The following FHIT variants were observed in gnomAD, a reference collection of about 807,000 sequenced individuals.
FHIT encodes the protein bis(5'-adenosyl)-triphosphatase.
In FHIT, 19 loss-of-function variants were observed where a neutral mutation model predicts 17.9. The observed-to-expected ratio is 1.06, with a 90% CI of 0.74 to 1.56. The LOEUF (loss-of-function observed/expected upper bound fraction) is 1.56, where lower values mean the gene tolerates loss of function less well. Ranked by LOEUF, FHIT falls within the 40% of genes most tolerant of loss-of-function variation. FHIT has a pLI of 0.00. For missense variants in FHIT, 248 were observed against 189.2 expected, an observed-to-expected ratio of 1.31 and a Z score of -1.82; for synonymous variants, 81 against 69.7, an observed-to-expected ratio of 1.16 and a Z score of -0.81.
chr3:60,876,763 C>G (rs556791458), intron 3 of FHIT, among the ~76,000 whole-genome samples: 2 of 152,284 alleles, frequency 1.3e-5, no homozygotes, highest in South Asian at 2.1e-4. Context: ...AGCACTCATC[C>G]CTTCCACAGT....
intron 3 of FHIT, among the ~76,000 whole-genome samples, chr3:61,022,827 T>C (rs1213139828): frequency 6.6e-6 from 1 of 152,118 alleles, no homozygotes; most frequent in Non-Finnish European, 1.5e-5. Flanking sequence ...ATAAACTAGG[T>C]ATTGATGGAA....
At chr3:60,050,313 A>C (rs1256326202) in intron 5 of FHIT, among the ~76,000 whole-genome samples, 2 of 152,104 alleles carry the variant, frequency 1.3e-5, no homozygotes, top group Non-Finnish European at 2.9e-5. Flanking sequence ...CTTAAATTTT[A>C]CCTTTATTAT....
chr3:60,152,209 G>GT lies in FHIT; in HGVS notation c.104-138058dup, dbSNP rs369844121. On this transcript the variant is annotated intron_variant, in intron 5 of 9. Coordinates refer to ENST00000492590, the MANE Select transcript of FHIT (RefSeq NM_002012.4). The stretch of plus-strand genomic sequence containing the variant: ...GGCAAGCATATTTACATATTTAAAA[G>GT]TTTGCCTGCAAGGTAATCTTACCTT... 3.8e-3 allele frequency among the ~76,000 whole-genome samples: 577 copies of GT among 152,244 alleles called. 5 individuals are homozygous for GT. Among genetic ancestry groups the GT allele is most frequent in the African/African-American group, 0.013 (540 of 41,560 alleles).
At chr3:59,765,042 A>G (rs578056338) in intron 8 of FHIT, among the ~76,000 whole-genome samples, 2 of 152,306 alleles carry the variant, frequency 1.3e-5, no homozygotes, top group South Asian at 4.1e-4. Context: ...CCTTCCAATT[A>G]TTTATGGCTG....
At chr3:60,242,457 C>T (rs774646383) in intron 5 of FHIT, among the ~76,000 whole-genome samples, 30 of 151,938 alleles carry the variant, frequency 2.0e-4, no homozygotes, top group Non-Finnish European at 4.3e-4. Context: ...GTTCTATATT[C>T]GTGTGTATGT....
chr3:59,852,932 G>C (rs1436105170), intron 8 of FHIT, among the ~76,000 whole-genome samples: 2 of 152,178 alleles, frequency 1.3e-5, no homozygotes, highest in Non-Finnish European at 2.9e-5. Context: ...ACCCACTGAA[G>C]AATTTCTTGG....
At chr3:60,347,349 A>G (rs909370231) in intron 5 of FHIT, among the ~76,000 whole-genome samples, 13 of 152,302 alleles carry the variant, frequency 8.5e-5, no homozygotes, top group African/African-American at 2.9e-4. Context: ...AAGAAGCTGA[A>G]GTTTCAACAG....
In FHIT at chr3:59,771,491, G is replaced by T. The variant is rs538633980; in HGVS notation, c.349-19170C>A. On this transcript the variant is annotated intron_variant, in intron 8 of 9. Coordinates refer to ENST00000492590, the MANE Select transcript of FHIT (RefSeq NM_002012.4). Reference sequence around the variant, plus strand: ...TCATTGAGGGCCTATTACATTTGGGGTATGTTTGAGGGTGAAACCCCCCAT... The same window carrying T: ...TCATTGAGGGCCTATTACATTTGGGTTATGTTTGAGGGTGAAACCCCCCAT... 5.1e-4 allele frequency among the ~76,000 whole-genome samples: 78 copies of T among 152,340 alleles called. 2 individuals are homozygous for T. In the Middle Eastern group the frequency reaches 0.01, roughly 20 times the overall value.
chr3:60,214,430 T>G lies in FHIT; in HGVS notation c.104-200278A>C, dbSNP rs1387576349. Among the ~76,000 whole-genome samples, 3 of 152,170 alleles carry G rather than the reference T, an allele frequency of 2.0e-5. No homozygotes were observed. In the East Asian group the frequency reaches 5.8e-4, roughly 29 times the overall value. Reference sequence around the variant, plus strand: ...GTATTCTATGCTTGAGTTCTTAGACTACACATAAATATTTAGGCCGTGCTT... The same window carrying G: ...GTATTCTATGCTTGAGTTCTTAGACGACACATAAATATTTAGGCCGTGCTT... On this transcript the variant is annotated intron_variant, in intron 5 of 9. Coordinates refer to ENST00000492590, the MANE Select transcript of FHIT (RefSeq NM_002012.4).
At chr3:60,914,643 C>T (rs1410461674) in intron 3 of FHIT, among the ~76,000 whole-genome samples, 3 of 152,194 alleles carry the variant, frequency 2.0e-5, no homozygotes, top group Non-Finnish European at 4.4e-5. Context: ...ATTATCAATT[C>T]AATGTTCCTG....
chr3:60,127,606 T>G (rs1705614676), intron 5 of FHIT, among the ~76,000 whole-genome samples: 1 of 152,174 alleles, frequency 6.6e-6, no homozygotes, highest in Non-Finnish European at 1.5e-5. Flanking sequence ...TTATTTTTTA[T>G]ATCTATTTTT....
intron 5 of FHIT, among the ~76,000 whole-genome samples, chr3:60,230,419 T>C (rs1704435597): frequency 6.6e-6 from 1 of 152,220 alleles, no homozygotes; most frequent in Non-Finnish European, 1.5e-5. Context: ...TAATTTCTTA[T>C]CTACACTTTA....
chr3:60,188,002 G>A (rs996234378), intron 5 of FHIT, among the ~76,000 whole-genome samples: 2 of 152,042 alleles, frequency 1.3e-5, no homozygotes, highest in South Asian at 2.1e-4. Flanking sequence ...AGTGACCTCT[G>A]AAATTACCCC....
chr3:60,686,518 C>T (rs1553698472), intron 4 of FHIT, among the ~76,000 whole-genome samples: 1 of 151,288 alleles, frequency 6.6e-6, no homozygotes, highest in African/African-American at 2.5e-5. Flanking sequence ...CCATAGGAAC[C>T]TGAGGCTCTG....
intron 8 of FHIT, among the ~76,000 whole-genome samples, chr3:59,805,158 G>C (rs1700147801): frequency 6.6e-6 from 1 of 152,152 alleles, no homozygotes; most frequent in African/African-American, 2.4e-5. Context: ...GGCGTGTCCT[G>C]CTCTGTGGGC....
At chr3:60,866,399 G>A (rs1192986235) in intron 3 of FHIT, among the ~76,000 whole-genome samples, 2 of 152,116 alleles carry the variant, frequency 1.3e-5, no homozygotes, top group African/African-American at 4.8e-5. Flanking sequence ...TGTCTCTGGA[G>A]GAAGCCAGTC....
At chr3:60,358,039 T>C (rs1203070330) in intron 5 of FHIT, among the ~76,000 whole-genome samples, 5 of 152,178 alleles carry the variant, frequency 3.3e-5, no homozygotes, top group Admixed American at 2.0e-4. Context: ...ACTCAGGAGA[T>C]AGGCCTTAGC....
chr3:61,024,545 AG>A (rs2032630508), intron 3 of FHIT, among the ~76,000 whole-genome samples: 1 of 152,108 alleles, frequency 6.6e-6, no homozygotes, highest in Non-Finnish European at 1.5e-5. Flanking sequence ...ATATAATTAT[AG>A]GTTTATTGTT....
chr3:60,053,698 T>C (rs1180367309), intron 5 of FHIT, among the ~76,000 whole-genome samples: 1 of 152,022 alleles, frequency 6.6e-6, no homozygotes, highest in Non-Finnish European at 1.5e-5. Context: ...TTTGCTTTCC[T>C]GCAAGTCATA....
Sources: gnomAD v4.1 joint callset for allele counts (sites outside exome capture counted in the v4.1 genomes callset) on GRCh38, gnomAD v4.1.1 for gene constraint, MANE v1.5 for transcripts, NCBI Gene and HGNC (gene_info 2026-07-23, HGNC 2026-07-21) for gene names.